The following PITPNM2 variants were observed in gnomAD, a reference collection of about 807,000 sequenced individuals.
The protein encoded by PITPNM2 is membrane-associated phosphatidylinositol transfer protein 2.
In PITPNM2, 35 loss-of-function variants were observed where a neutral mutation model predicts 132.2. The ratio of observed to expected loss-of-function variants is 0.26; its 90% CI spans 0.20 to 0.35. The LOEUF is 0.35. PITPNM2 is among the 10% of genes least tolerant of loss of function. The pLI, the probability that PITPNM2 is intolerant of heterozygous loss-of-function variation, is 1.00. For synonymous variants in PITPNM2, 738 were observed against 799.2 expected (o/e 0.92, Z 1.29); for missense variants, 1,332 against 1,912.0 (o/e 0.70, Z 5.66).
Position 122,998,930 on chromosome 12 carries a change from T to C in PITPNM2, c.1225-1358A>G, listed in dbSNP as rs191429598. 1.8e-4 allele frequency among the ~76,000 whole-genome samples: 27 copies of C among 152,124 alleles called. 1 individual carries two copies. The South Asian group carries it at 4.2e-3, about 23-fold the overall frequency. On this transcript the variant is annotated intron_variant, in intron 10 of 25. Coordinates refer to ENST00000320201, the MANE Select transcript of PITPNM2 (RefSeq NM_020845.3). ...GAGTTTGAGACCAGCCTGGCCAACA[T>C]AGCAAAACCGTCTCTACCAAAAATA...
At chr12:123,060,380 G>A (rs1044394019) in intron 2 of PITPNM2, among the ~76,000 whole-genome samples, 1 of 152,174 alleles carries the variant, frequency 6.6e-6, no homozygotes, top group African/African-American at 2.4e-5. Context: ...CCTCCACCGG[G>A]AAATTCTGAC....
chr12:123,069,412 C>G (rs2041552304), intron 2 of PITPNM2, among the ~76,000 whole-genome samples: 1 of 152,150 alleles, frequency 6.6e-6, no homozygotes, highest in African/African-American at 2.4e-5. Flanking sequence ...GTACAATCTC[C>G]CCTGCAGACA....
At chr12:122,990,789 G>C (rs1271856612) in intron 16 of PITPNM2, 80 bp from the exon 17 acceptor site, 13 of 1,435,916 alleles carry the variant, frequency 9.1e-6, no homozygotes, top group Middle Eastern at 4.8e-4. Flanking sequence ...AGTGTGCCAG[G>C]GTCCAGTGTG....
In PITPNM2 at chr12:123,095,438, G is replaced by C. The variant is rs1399401241; in HGVS notation, c.-96+14947C>G. Among the ~76,000 whole-genome samples the C allele has an allele frequency of 2.6e-5, 4 of 152,152 alleles. No individual in the cohort carries two copies. Among genetic ancestry groups the C allele is most frequent in the Admixed American group, 2.0e-4 (3 of 15,282 alleles). The stretch of plus-strand genomic sequence containing the variant: ...TGTACATCTCGATTTTACAGGCTCT[G>C]TTAAAGCGCAAAGATCTTTCAGGTA... On this transcript the variant is annotated intron_variant, in intron 2 of 25. Coordinates refer to ENST00000320201, the MANE Select transcript of PITPNM2 (RefSeq NM_020845.3). This position sits in a 1 kb window ranked among gnomAD's most constrained non-coding sequence, Gnocchi z 5.0.
intron 2 of PITPNM2, among the ~76,000 whole-genome samples, chr12:123,063,340 G>T (rs759332135): frequency 5.9e-5 from 9 of 152,236 alleles, no homozygotes; most frequent in Admixed American, 2.6e-4. Context: ...GGTGGCCTGC[G>T]CCCCTGGCTG....
At chr12:123,093,468 ACGCACACACACACACG>A (rs1593008759) in intron 2 of PITPNM2, among the ~76,000 whole-genome samples, 1 of 150,170 alleles carries the variant, frequency 6.7e-6, no homozygotes, top group Non-Finnish European at 1.5e-5. Flanking sequence ...AAATACACAC[ACGCACACACACACACG>A]CGCACACACA....
At chr12:123,070,668 C>T (rs1163265451) in intron 2 of PITPNM2, among the ~76,000 whole-genome samples, 2 of 152,210 alleles carry the variant, frequency 1.3e-5, no homozygotes, top group African/African-American at 2.4e-5. Flanking sequence ...GTGCCACTTC[C>T]TCAAGCCAGG....
chr12:123,107,261 G>T (rs766208663), intron 2 of PITPNM2, among the ~76,000 whole-genome samples: 2 of 152,182 alleles, frequency 1.3e-5, no homozygotes, highest in Non-Finnish European at 2.9e-5. Context: ...GACCCTCCCC[G>T]CTGAGCTCTT....
At chr12:123,042,798 G>A (rs1035458104) in intron 2 of PITPNM2, among the ~76,000 whole-genome samples, 1 of 152,128 alleles carries the variant, frequency 6.6e-6, no homozygotes, top group Non-Finnish European at 1.5e-5. Flanking sequence ...AGCCAGACAA[G>A]GCTCCCCAGG....
intron 2 of PITPNM2, among the ~76,000 whole-genome samples, chr12:123,107,411 T>C (rs1334485450): frequency 6.6e-6 from 1 of 152,128 alleles, no homozygotes; most frequent in African/African-American, 2.4e-5. Flanking sequence ...ACCCCTACTG[T>C]GAAAGACAGC....
intron 6 of PITPNM2, among the ~76,000 whole-genome samples, chr12:123,006,632 G>C (rs2038944608): frequency 6.6e-6 from 1 of 151,280 alleles, no homozygotes; most frequent in African/African-American, 2.4e-5. Flanking sequence ...GGGATCGCTT[G>C]AGCCCAGGAG....
At position 123,001,175 on chromosome 12, in the gene PITPNM2, G is replaced by T; in HGVS notation, c.1049-17C>A. On this transcript the variant is annotated splice_polypyrimidine_tract_variant and intron_variant, in intron 8 of 25. Coordinates refer to ENST00000320201, the MANE Select transcript of PITPNM2 (RefSeq NM_020845.3). Reference sequence around the variant, plus strand: ...ACAGGTCCTCTGGAGAGGAGAGAGGGAAACTCAGGTGGGACTGGGAACGCT... The same window carrying T: ...ACAGGTCCTCTGGAGAGGAGAGAGGTAAACTCAGGTGGGACTGGGAACGCT... 1 of 1,604,772 alleles carries T rather than the reference G, an allele frequency of 6.2e-7. No homozygotes were observed. Among genetic ancestry groups the T allele is most frequent in the South Asian group, 1.1e-5 (1 of 90,870 alleles).
intron 3 of PITPNM2, among the ~76,000 whole-genome samples, chr12:123,028,518 CG>C (rs2039948935): frequency 6.6e-6 from 1 of 152,224 alleles, no homozygotes; most frequent in Non-Finnish European, 1.5e-5. Context: ...TGTGCTGAAA[CG>C]TATGTGAAAT....
At chr12:123,035,022 T>A (rs1308328992) in intron 2 of PITPNM2, among the ~76,000 whole-genome samples, 1 of 152,210 alleles carries the variant, frequency 6.6e-6, no homozygotes, top group African/African-American at 2.4e-5. Flanking sequence ...GTACAGCATC[T>A]ATTTCCCCGG....
intron 2 of PITPNM2, chr12:123,089,415 T>C (rs1286865595): frequency 6.6e-6 from 1 of 152,158 alleles, no homozygotes; most frequent in Admixed American, 6.5e-5. Flanking sequence ...AATGTAACAT[T>C]TGTCTGGCTG....
At chr12:122,997,663 G>T (rs1594130619) in intron 10 of PITPNM2, 91 bp from the exon 11 acceptor site, 2 of 1,520,956 alleles carry the variant, frequency 1.3e-6, no homozygotes, top group East Asian at 4.6e-5. Context: ...TGTGCCTCTT[G>T]CACGCAGCCC....
chr12:123,053,177 G>A (rs951139938), intron 2 of PITPNM2, among the ~76,000 whole-genome samples: 12 of 152,010 alleles, frequency 7.9e-5, no homozygotes, highest in Admixed American at 7.2e-4. Flanking sequence ...AAGCCACCTT[G>A]CCTGGCCCTT....
In PITPNM2 at chr12:123,150,236, G is replaced by A. The variant is rs2043701186; in HGVS notation, c.-200+517C>T. ...CCGGCACCCCATTACCACACGAAGGGGGCACTGAGGATGGAGACGGGCCAC... is the reference window on the plus strand; with the variant it reads ...CCGGCACCCCATTACCACACGAAGGAGGCACTGAGGATGGAGACGGGCCAC... On this transcript the variant is annotated intron_variant, in intron 1 of 25. Transcript: ENST00000320201. This position sits in a 1 kb window ranked among gnomAD's most constrained non-coding sequence, Gnocchi z 6.0. Among the ~76,000 whole-genome samples the A allele has an allele frequency of 6.6e-6, 1 of 152,026 alleles. No homozygotes were observed. The highest frequency in any genetic ancestry group is 2.1e-4 in the South Asian group (1 of 4,826).
chr12:123,108,243 A>G lies in PITPNM2; in HGVS notation c.-96+2142T>C, dbSNP rs1019802957. On this transcript the variant is annotated intron_variant, in intron 2 of 25. Coordinates refer to ENST00000320201, the MANE Select transcript of PITPNM2 (RefSeq NM_020845.3). The surrounding 1 kb of genome is among the most constrained non-coding windows in gnomAD (Gnocchi z 4.4). ...TTTATGGACAAATGAGTGGAGCAGAACAATTCCTGAAGACATTTTAGGTCT... is the reference window on the plus strand; with the variant it reads ...TTTATGGACAAATGAGTGGAGCAGAGCAATTCCTGAAGACATTTTAGGTCT... Among the ~76,000 whole-genome samples, 58 of 152,216 alleles carry G rather than the reference A, an allele frequency of 3.8e-4. No individual in the cohort carries two copies. The highest frequency in any genetic ancestry group is 1.4e-3 in the African/African-American group (56 of 41,446).
Sources: gnomAD v4.1 joint callset for allele counts (sites outside exome capture counted in the v4.1 genomes callset) on GRCh38, gnomAD v4.1.1 for gene constraint, Gnocchi (gnomAD v3.1) non-coding constraint, MANE v1.5 for transcripts, NCBI Gene and HGNC (gene_info 2026-07-23, HGNC 2026-07-21) for gene names.